The following PI4K2A variants were observed in gnomAD, a reference collection of about 807,000 sequenced individuals.
The protein encoded by PI4K2A is phosphatidylinositol 4-kinase type 2-alpha.
A neutral mutation model predicts 55.0 loss-of-function variants in PI4K2A; 20 were observed. The observed-to-expected ratio is 0.36, with a 90% CI of 0.26 to 0.53. The LOEUF (loss-of-function observed/expected upper bound fraction) is 0.53, where lower values mean the gene tolerates loss of function less well. Among genes scored for constraint, PI4K2A ranks in the 20% least tolerant of loss-of-function variants. PI4K2A has a pLI of 0.91. For missense variants in PI4K2A, 463 were observed against 637.1 expected (o/e 0.73, Z 2.94); for synonymous variants, 235 against 258.5 (o/e 0.91, Z 0.87).
intron 8 of PI4K2A, among the ~76,000 whole-genome samples, chr10:97,670,936 G>A (rs1370579875): frequency 4.6e-5 from 7 of 152,032 alleles, no homozygotes; most frequent in South Asian, 2.1e-4. Context: ...TTGGGAGTTC[G>A]AGACCAGACT....
At chr10:97,668,407 A>G (rs1357055460) in intron 8 of PI4K2A, among the ~76,000 whole-genome samples, 3 of 152,132 alleles carry the variant, frequency 2.0e-5, no homozygotes, top group Admixed American at 6.6e-5. Flanking sequence ...GTGAAACCCC[A>G]TCTCTACAAA....
intron 1 of PI4K2A, among the ~76,000 whole-genome samples, chr10:97,645,240 C>A (rs2041499298): frequency 6.6e-6 from 1 of 152,102 alleles, no homozygotes; most frequent in Non-Finnish European, 1.5e-5. Flanking sequence ...TGGGGCAGCT[C>A]AATCAGATTT....
exon 9 of PI4K2A, chr10:97,676,041 T>A (rs1236349732): frequency 6.6e-6 from 1 of 152,564 alleles, no homozygotes; most frequent in Admixed American, 6.5e-5. Flanking sequence ...GAATAACAAA[T>A]ACAGTTCTGA....
chr10:97,672,402 C>A (rs534642169), intron 8 of PI4K2A, among the ~76,000 whole-genome samples: 1 of 152,198 alleles, frequency 6.6e-6, no homozygotes, highest in East Asian at 1.9e-4. Context: ...AGACTTTTTT[C>A]TACACTATAG....
At position 97,673,697 on chromosome 10, in the gene PI4K2A, C is replaced by T. The variant is rs542400722; in HGVS notation, c.1395C>T (p.Tyr465=). The T allele has an allele frequency of 5.0e-6, 8 of 1,614,164 alleles. No individual in the cohort carries two copies. The East Asian group carries it at 1.8e-4, about 36-fold the overall frequency. ...ACCAGCGGTCTTCTAGCGAGTCCTA[C>T]ACACAGAGCTTTCAGAGCCGGAAGC... Residue 465 remains tyrosine, a synonymous_variant, in exon 9 of 9, where the codon TAC becomes TAT. Coordinates refer to ENST00000370631, the Ensembl canonical transcript of PI4K2A.
exon 1 of PI4K2A, chr10:97,640,717 G>A (rs370481580): frequency 3.5e-6 from 5 of 1,447,946 alleles, no homozygotes; most frequent in Admixed American, 2.6e-5. Context: ...GGAGCGCGCC[G>A]GGTCCCGGAG....
At chr10:97,660,121 C>G (rs1184516357) in intron 4 of PI4K2A, among the ~76,000 whole-genome samples, 7 of 150,748 alleles carry the variant, frequency 4.6e-5, no homozygotes, top group African/African-American at 1.5e-4. Context: ...CCTGCCTCAG[C>G]CTCCCGAGTA....
chr10:97,660,222 C>T (rs537975283), intron 4 of PI4K2A, among the ~76,000 whole-genome samples: 90 of 149,312 alleles, frequency 6.0e-4, no homozygotes, highest in Admixed American at 4.7e-4. Flanking sequence ...AGGATGGTCT[C>T]GATCTCCTGA....
intron 1 of PI4K2A, among the ~76,000 whole-genome samples, chr10:97,648,091 A>G (rs1489864219): frequency 7.8e-6 from 1 of 128,432 alleles, no homozygotes; most frequent in Non-Finnish European, 1.6e-5. Context: ...ACACTTAGCT[A>G]ATTTTTTTTT....
intron 4 of PI4K2A, among the ~76,000 whole-genome samples, chr10:97,659,342 AT>A (rs141966041): frequency 0.015 from 2,233 of 151,946 alleles, 51 homozygotes; most frequent in African/African-American, 0.05. Flanking sequence ...CTTGCAACTG[AT>A]TTTTTTGTGG....
chr10:97,656,299 C>G lies in PI4K2A; in HGVS notation c.651C>G (p.Ala217=). 1 of 1,613,726 alleles carries G rather than the reference C, an allele frequency of 6.2e-7. No individual in the cohort carries two copies. Among genetic ancestry groups the G allele is most frequent in the East Asian group, 2.2e-5 (1 of 44,882 alleles). The change falls in exon 3 of 9, where the codon GCC becomes GCG. Residue 217 remains alanine (A), a synonymous_variant. Coordinates refer to ENST00000370631, the Ensembl canonical transcript of PI4K2A. The surrounding 1 kb of genome is among the most constrained non-coding windows in gnomAD (Gnocchi z 4.5). ...TTTCACTGTAGGTAGTATACCTGGC[C>G]AGTGAGACCTTCAACTATAGTGCCA...
At chr10:97,664,774 T>C in intron 5 of PI4K2A, 111 bp from the exon 6 acceptor site, 1 of 696,702 alleles carries the variant, frequency 1.4e-6, no homozygotes, top group Non-Finnish European at 2.5e-6. Context: ...TCAAGATAAG[T>C]TCAATAAGAA....
chr10:97,640,943 C>G, exon 1 of PI4K2A: 1 of 1,392,508 alleles, frequency 7.2e-7, no homozygotes, highest in East Asian at 3.1e-5. Context: ...GGGCCCGGGG[C>G]GCGGCGGCCC....
At chr10:97,648,004 A>T (rs2041513497) in intron 1 of PI4K2A, among the ~76,000 whole-genome samples, 2 of 151,382 alleles carry the variant, frequency 1.3e-5, no homozygotes, top group South Asian at 4.2e-4. Flanking sequence ...GCATGCTTCT[A>T]GCTCACTGCA....
intron 2 of PI4K2A, among the ~76,000 whole-genome samples, chr10:97,652,120 A>G (rs1007851526): frequency 5.3e-5 from 8 of 152,182 alleles, no homozygotes; most frequent in Admixed American, 5.2e-4. Flanking sequence ...TATTTAGTAA[A>G]TAACTCTTTG....
Position 97,657,302 on chromosome 10 carries a change from A to G in PI4K2A, c.922+328A>G, listed in dbSNP as rs572944157. Among the ~76,000 whole-genome samples the G allele has an allele frequency of 3.0e-4, 45 of 152,176 alleles. 1 individual carries two copies. The highest frequency in any genetic ancestry group is 1.0e-3 in the African/African-American group (43 of 41,518). The stretch of plus-strand genomic sequence containing the variant: ...GTAGATGTTTAGATCATTGATATTT[A>G]AAAAAAATTTTTTTTCAGTGCAATT... On this transcript the variant is annotated intron_variant, in intron 4 of 8. Transcript: ENST00000370631.
chr10:97,655,698 CG>C (rs2041551138), intron 2 of PI4K2A, among the ~76,000 whole-genome samples: 1 of 145,872 alleles, frequency 6.9e-6, no homozygotes, highest in Non-Finnish European at 1.5e-5. Context: ...CCTCAGCCTC[CG>C]AAGTATCTAG....
intron 8 of PI4K2A, among the ~76,000 whole-genome samples, chr10:97,669,444 A>G (rs2041625370): frequency 6.9e-6 from 1 of 144,686 alleles, no homozygotes; most frequent in African/African-American, 2.7e-5. Context: ...TTACTCAGAT[A>G]GTGCCATTAT....
intron 4 of PI4K2A, among the ~76,000 whole-genome samples, chr10:97,662,521 T>C (rs570205906): frequency 4.0e-4 from 61 of 152,340 alleles, no homozygotes; most frequent in Non-Finnish European, 7.1e-4. Flanking sequence ...GCATAGATGA[T>C]ATACGAGGGT....
Sources: gnomAD v4.1 joint callset for allele counts (sites outside exome capture counted in the v4.1 genomes callset) on GRCh38, gnomAD v4.1.1 for gene constraint, Gnocchi (gnomAD v3.1) non-coding constraint, MANE v1.5 for transcripts, NCBI Gene and HGNC (gene_info 2026-07-23, HGNC 2026-07-21) for gene names.